CNTN1: variants seen among roughly 807,000 people sequenced by gnomAD.
CNTN1 encodes contactin 1.
A neutral mutation model predicts 126.4 loss-of-function variants in CNTN1; 38 were observed. The ratio of observed to expected loss-of-function variants is 0.30; its 90% CI spans 0.23 to 0.39. The LOEUF (loss-of-function observed/expected upper bound fraction) is 0.39, where lower values mean the gene tolerates loss of function less well. Among genes scored for constraint, CNTN1 ranks in the 10% least tolerant of loss-of-function variants. The pLI is 1.00. For synonymous variants in CNTN1, 413 were observed against 422.6 expected (o/e 0.98, Z 0.28); for missense variants, 1,009 against 1,248.4 (o/e 0.81, Z 2.89).
chr12:40,840,612 AT>A (rs35053630), intron 1 of CNTN1, among the ~76,000 whole-genome samples: 2 of 151,916 alleles, frequency 1.3e-5, no homozygotes, highest in African/African-American at 2.4e-5. Context: ...AGTCTCATCA[AT>A]TTTTTTTAAA....
chr12:40,762,688 T>C (rs188605630), intron 1 of CNTN1, among the ~76,000 whole-genome samples: 40 of 152,306 alleles, frequency 2.6e-4, no homozygotes, highest in African/African-American at 9.1e-4. Flanking sequence ...ATAAGAGCTG[T>C]CTGAGTCCCT....
chr12:40,732,289 C>T (rs1942519833), intron 1 of CNTN1, among the ~76,000 whole-genome samples: 1 of 151,902 alleles, frequency 6.6e-6, no homozygotes, highest in African/African-American at 2.4e-5. Context: ...ATAAATTTAA[C>T]ATGTGGAGAA....
intron 1 of CNTN1, among the ~76,000 whole-genome samples, chr12:40,767,191 C>G (rs753031481): frequency 6.6e-6 from 1 of 151,690 alleles, no homozygotes; most frequent in Non-Finnish European, 1.5e-5. Context: ...TACATAGTCT[C>G]TCCTTGGTCT....
chr12:40,952,928 A>T (rs1158351063), intron 14 of CNTN1, among the ~76,000 whole-genome samples: 1 of 152,184 alleles, frequency 6.6e-6, no homozygotes, highest in African/African-American at 2.4e-5. Context: ...AAACATCTAT[A>T]TCTCTCCCTT....
chr12:40,790,442 A>G (rs1391883377), intron 1 of CNTN1, among the ~76,000 whole-genome samples: 1 of 152,126 alleles, frequency 6.6e-6, no homozygotes, highest in Non-Finnish European at 1.5e-5. Flanking sequence ...AGAGCTTTCA[A>G]TGAACATCTA....
At chr12:41,010,091 G>A (rs1948606481) in intron 17 of CNTN1, among the ~76,000 whole-genome samples, 1 of 152,070 alleles carries the variant, frequency 6.6e-6, no homozygotes, top group Non-Finnish European at 1.5e-5. Context: ...AAAGAGGGGA[G>A]GCCTGGATTA....
rs1315508410 is a variant in CNTN1, at chr12:41,072,192, A to C, written c.*2157A>C. ...CTAATAATCATCTGCTTTAAGACGC[A>C]AGATTCTGAATTAAACTTTATATAG... is the stretch of plus-strand genomic sequence containing the variant. On this transcript the variant is annotated 3_prime_UTR_variant, in exon 24 of 24. Transcript: ENST00000551295. The C allele has an allele frequency of 6.6e-6, 1 of 152,214 alleles. No individual in the cohort carries two copies. The highest frequency in any genetic ancestry group is 2.4e-5 in the African/African-American group (1 of 41,442). The allele number at this position is 152,214 out of a possible 1,614,324, so 9.4% of individuals were successfully genotyped here.
chr12:40,943,783 TA>T, intron 13 of CNTN1, 59 bp downstream of exon 13: 2 of 1,572,854 alleles, frequency 1.3e-6, no homozygotes, highest in Non-Finnish European at 1.7e-6. Flanking sequence ...GATTCAGCAC[TA>T]AGCATCTAAA....
intron 23 of CNTN1, among the ~76,000 whole-genome samples, chr12:41,057,465 C>T (rs1184153160): frequency 2.0e-5 from 3 of 151,644 alleles, no homozygotes; most frequent in Non-Finnish European, 4.4e-5. Flanking sequence ...TAATTTAGCT[C>T]GGTGAAATAT....
intron 2 of CNTN1, among the ~76,000 whole-genome samples, chr12:40,909,486 A>G (rs974293319): frequency 6.6e-6 from 1 of 151,956 alleles, no homozygotes; most frequent in African/African-American, 2.4e-5. Context: ...TGTTCAAGAC[A>G]TAAATGGTCC....
intron 1 of CNTN1, among the ~76,000 whole-genome samples, chr12:40,763,665 C>A (rs1029634289): frequency 1.7e-4 from 26 of 152,098 alleles, no homozygotes; most frequent in Non-Finnish European, 3.2e-4. Context: ...GTATTTGGGT[C>A]TTTGTCTAGG....
intron 1 of CNTN1, among the ~76,000 whole-genome samples, chr12:40,880,060 T>C (rs1943819628): frequency 6.6e-6 from 1 of 152,050 alleles, no homozygotes; most frequent in African/African-American, 2.4e-5. Context: ...AATGGTGTAA[T>C]ACAGAGTGTA....
chr12:40,834,420 G>T (rs1941970541), intron 1 of CNTN1, among the ~76,000 whole-genome samples: 1 of 152,176 alleles, frequency 6.6e-6, no homozygotes. Context: ...CTTAGGTTGG[G>T]AATAGGTTAG....
At chr12:40,795,946 T>G (rs1940411353) in intron 1 of CNTN1, among the ~76,000 whole-genome samples, 1 of 152,080 alleles carries the variant, frequency 6.6e-6, no homozygotes, top group Non-Finnish European at 1.5e-5. Flanking sequence ...TATTTGTAAT[T>G]TGACAGATGA....
chr12:41,020,247 T>C (rs1948876885), intron 19 of CNTN1, 90 bp from the exon 20 acceptor site: 2 of 807,132 alleles, frequency 2.5e-6, no homozygotes, highest in Non-Finnish European at 4.2e-6. Context: ...TAAAGTATGG[T>C]CCAACATCAT....
chr12:40,959,149 G>T lies in CNTN1; in HGVS notation c.1719G>T (p.Ala573=). The T allele has an allele frequency of 6.2e-7, 1 of 1,612,608 alleles. No homozygotes were observed. Among genetic ancestry groups the T allele is most frequent in the Non-Finnish European group, 8.5e-7 (1 of 1,179,092 alleles). The stretch of plus-strand genomic sequence containing the variant: ...ATGGGGAATTACTAATCCGAAATGC[G>T]CAGCTGAAACATGCTGGAAGATACA... ...DSNGELLIRN[A]QLKHAGRYTC... is the part of the protein sequence containing the mutation. Residue 573 remains alanine (A), a synonymous_variant, in exon 15 of 24, where the codon GCG becomes GCT. Coordinates refer to ENST00000551295, the MANE Select transcript of CNTN1 (RefSeq NM_001843.4).
At chr12:40,699,682 C>T (rs931576722) in intron 1 of CNTN1, among the ~76,000 whole-genome samples, 7 of 151,930 alleles carry the variant, frequency 4.6e-5, no homozygotes, top group Non-Finnish European at 1.0e-4. Context: ...AGCATGGTCA[C>T]ATGCATAGCC....
At chr12:40,834,976 G>A (rs185587433) in intron 1 of CNTN1, among the ~76,000 whole-genome samples, 9 of 152,080 alleles carry the variant, frequency 5.9e-5, no homozygotes, top group Non-Finnish European at 1.2e-4. Flanking sequence ...TAATGTATGA[G>A]GCTACGGGGA....
At chr12:40,911,544 T>A (rs535797339) in intron 3 of CNTN1, among the ~76,000 whole-genome samples, 4 of 152,310 alleles carry the variant, frequency 2.6e-5, no homozygotes, top group Non-Finnish European at 5.9e-5. Context: ...ATTCTCCTTT[T>A]AATCTGCTGC....
Sources: gnomAD v4.1 joint callset for allele counts (sites outside exome capture counted in the v4.1 genomes callset) on GRCh38, gnomAD v4.1.1 for gene constraint, MANE v1.5 for transcripts, NCBI Gene and HGNC (gene_info 2026-07-23, HGNC 2026-07-21) for gene names.